ITGA8: variants seen among roughly 807,000 people sequenced by gnomAD.
ITGA8 encodes integrin alpha-8.
A neutral mutation model predicts 142.3 loss-of-function variants in ITGA8; 91 were observed. The observed-to-expected ratio is 0.64, with a 90% confidence interval of 0.54 to 0.76. ITGA8 has a LOEUF of 0.76. ITGA8 is among the 30% of genes least tolerant of loss of function. ITGA8 has a pLI of 0.00. For synonymous variants in ITGA8, 505 were observed against 485.2 expected (o/e 1.04, Z -0.54); for missense variants, 1,406 against 1,327.7 (o/e 1.06, Z -0.92).
chr10:15,529,896 T>C (rs751697333), intron 28 of ITGA8, among the ~76,000 whole-genome samples: 76 of 152,350 alleles, frequency 5.0e-4, no homozygotes, highest in Non-Finnish European at 9.8e-4. Flanking sequence ...TGGAGAGGTC[T>C]GTTTCTGTAG....
chr10:15,519,302 T>A lies in ITGA8; in HGVS notation c.3093A>T (p.Leu1031Phe). Reference sequence around the variant, plus strand: ...TAAATCAACTTACCTTCCATAAAGCTAAGGTTAAAATGGCGAGAACCAACA... The same window carrying A: ...TAAATCAACTTACCTTCCATAAAGCAAAGGTTAAAATGGCGAGAACCAACA... ...LGLLVLAILTLALWKCGFFDR... is the reference protein window; with the variant it reads ...LGLLVLAILTFALWKCGFFDR... The change falls in exon 29 of 30, where the codon TTA becomes TTT. Residue 1031 changes from leucine (L) to phenylalanine (F), a missense_variant. Physicochemically the swap from Leu to Phe is conservative, Grantham distance 22. Transcript: ENST00000378076. 6.2e-7 allele frequency: 1 copy of A among 1,613,628 alleles called. No individual in the cohort carries two copies. The highest frequency in any genetic ancestry group is 8.5e-7 in the Non-Finnish European group (1 of 1,179,840).
intron 25 of ITGA8, among the ~76,000 whole-genome samples, chr10:15,561,237 A>ATATATG (rs1554772736): frequency 1.5e-4 from 12 of 78,896 alleles, no homozygotes; most frequent in African/African-American, 1.1e-3. Context: ...ATATATATGT[A>ATATATG]TATATATATA....
chr10:15,568,744 C>T (rs969783101), intron 25 of ITGA8, among the ~76,000 whole-genome samples: 16 of 152,118 alleles, frequency 1.1e-4, no homozygotes, highest in Admixed American at 4.6e-4. Context: ...GCTTTGATGC[C>T]GTCAAAGTAT....
At chr10:15,635,003 C>CTTTTTTTTT (rs915334219) in intron 13 of ITGA8, among the ~76,000 whole-genome samples, 36 of 107,210 alleles carry the variant, frequency 3.4e-4, no homozygotes, top group Non-Finnish European at 4.7e-4. Flanking sequence ...TTCTTTCTTT[C>CTTTTTTTTT]TTTTTTTTTT....
intron 25 of ITGA8, among the ~76,000 whole-genome samples, chr10:15,571,964 C>T (rs1834193218): frequency 6.6e-6 from 1 of 152,010 alleles, no homozygotes; most frequent in Non-Finnish European, 1.5e-5. Flanking sequence ...TAAAAGGTGC[C>T]TATTAAAATG....
chr10:15,581,625 C>T, intron 23 of ITGA8, among the ~76,000 whole-genome samples: 1 of 152,110 alleles, frequency 6.6e-6, no homozygotes, highest in African/African-American at 2.4e-5. Flanking sequence ...TAAACTTTTA[C>T]ATATGCAGAT....
intron 24 of ITGA8, among the ~76,000 whole-genome samples, chr10:15,572,967 C>A (rs1006552537): frequency 6.6e-6 from 1 of 152,178 alleles, no homozygotes; most frequent in Non-Finnish European, 1.5e-5. Context: ...TTTTTTAACA[C>A]GTGAATCCTA....
chr10:15,700,790 G>A (rs1295941825), intron 2 of ITGA8, among the ~76,000 whole-genome samples: 2 of 151,996 alleles, frequency 1.3e-5, no homozygotes, highest in African/African-American at 2.4e-5. Flanking sequence ...CATCCTCAGA[G>A]ACACAAGCCC....
chr10:15,556,018 CTTTTTTTTTTTTTT>C lies in ITGA8; in HGVS notation c.2766+2042_2766+2055del, dbSNP rs869241754. Among the ~76,000 whole-genome samples the C allele has an allele frequency of 7.5e-3, 403 of 53,652 alleles. 6 individuals carry two copies. Among genetic ancestry groups the C allele is most frequent in the African/African-American group, 0.03 (355 of 11,654 alleles). 35.2% of individuals were successfully genotyped at this position (53,652 alleles called of 152,430 possible). On this transcript the variant is annotated intron_variant, in intron 26 of 29. Coordinates refer to ENST00000378076, the MANE Select transcript of ITGA8 (RefSeq NM_003638.3). ...GTCTTCTGCCAGGGTCTCTCTCTCT[CTTTTTTTTTTTTTT>C]TTTTTTTTTTTTGAGACCAAGTCTC...
At chr10:15,639,137 A>C (rs1833823611) in intron 13 of ITGA8, among the ~76,000 whole-genome samples, 1 of 152,008 alleles carries the variant, frequency 6.6e-6, no homozygotes, top group South Asian at 2.1e-4. Flanking sequence ...CTCTTAAAAA[A>C]AAAAAAAAGT....
At chr10:15,710,479 C>T (rs372350758) in intron 2 of ITGA8, among the ~76,000 whole-genome samples, 157 of 152,214 alleles carry the variant, frequency 1.0e-3, no homozygotes, top group African/African-American at 3.6e-3. Context: ...AAACATGTAT[C>T]CTGGTGGGAA....
chr10:15,524,528 T>G (rs1035606883), intron 28 of ITGA8, among the ~76,000 whole-genome samples: 4 of 152,068 alleles, frequency 2.6e-5, no homozygotes, highest in Non-Finnish European at 5.9e-5. Context: ...GCAAGAGAGG[T>G]CTTTCTGGGA....
chr10:15,597,068 A>G (rs1377745999), intron 21 of ITGA8, 139 bp downstream of exon 21: 10 of 681,114 alleles, frequency 1.5e-5, no homozygotes, highest in Non-Finnish European at 2.4e-5. Flanking sequence ...GTGAAATCCC[A>G]CTACTCTGGC....
chr10:15,606,265 A>C lies in ITGA8; in HGVS notation c.1902+20T>G. The C allele has an allele frequency of 6.3e-7, 1 of 1,582,208 alleles. No individual in the cohort carries two copies. Among genetic ancestry groups the C allele is most frequent in the African/African-American group, 1.3e-5 (1 of 74,462 alleles). On this transcript the variant is annotated intron_variant, in intron 18 of 29. Transcript: ENST00000378076. ...AGAGCTTGCTTGAGAAAATGCCGTC[A>C]AAGACTGTGAAGGACTTACCTGTTC...
chr10:15,562,597 T>C (rs1209833120), intron 25 of ITGA8, among the ~76,000 whole-genome samples: 1 of 152,176 alleles, frequency 6.6e-6, no homozygotes, highest in Non-Finnish European at 1.5e-5. Context: ...AAAAATTTTC[T>C]TGAAGAGAAC....
chr10:15,609,117 G>C (rs547641417), intron 15 of ITGA8, among the ~76,000 whole-genome samples: 1 of 152,192 alleles, frequency 6.6e-6, no homozygotes, highest in South Asian at 2.1e-4. Context: ...TGGCTTATAG[G>C]ATGATCTGCA....
At chr10:15,630,540 C>A (rs1833665710) in intron 13 of ITGA8, among the ~76,000 whole-genome samples, 1 of 151,836 alleles carries the variant, frequency 6.6e-6, no homozygotes. Flanking sequence ...TCATTGTTTT[C>A]AGGGGAAGGA....
intron 15 of ITGA8, among the ~76,000 whole-genome samples, chr10:15,610,758 A>G (rs1833279409): frequency 6.6e-6 from 1 of 152,224 alleles, no homozygotes; most frequent in South Asian, 2.1e-4. Flanking sequence ...TTACATTCTC[A>G]TCAGTTTTCA....
chr10:15,540,794 C>G (rs886274937), intron 27 of ITGA8, among the ~76,000 whole-genome samples: 1 of 152,060 alleles, frequency 6.6e-6, no homozygotes, highest in South Asian at 2.1e-4. Context: ...TAAAACAAGA[C>G]CTGGTATAGA....
Sources: gnomAD v4.1 joint callset for allele counts (sites outside exome capture counted in the v4.1 genomes callset) on GRCh38, gnomAD v4.1.1 for gene constraint, MANE v1.5 for transcripts, NCBI Gene and HGNC (gene_info 2026-07-23, HGNC 2026-07-21) for gene names.